Variants in UMAD1 observed in about 807,000 individuals in gnomAD.
UMAD1 encodes the protein UBAP1-MVB12-associated (UMA)-domain containing protein 1.
In UMAD1, 8 loss-of-function variants were observed where a neutral mutation model predicts 6.1. The ratio of observed to expected loss-of-function variants is 1.30; its 90% CI spans 0.76 to 2.35. The LOEUF (loss-of-function observed/expected upper bound fraction) is 2.35. Among genes scored for constraint, UMAD1 ranks in the 30% most tolerant of loss-of-function variants. The probability of loss-of-function intolerance (pLI) is 0.00; values close to 1 mark genes in which losing one functional copy is unlikely to be tolerated. For synonymous variants in UMAD1, 56 were observed against 31.4 expected (o/e 1.78, Z -2.61); for missense variants, 130 against 78.4 (o/e 1.66, Z -2.49).
chr7:7,868,624 G>T (rs919500846), intron 3 of UMAD1: 1 of 151,742 alleles, frequency 6.6e-6, no homozygotes, highest in African/African-American at 2.4e-5. Flanking sequence ...CCAAAATGAT[G>T]TCAGAGACTA....
chr7:7,658,284 T>G (rs1785392136), intron 1 of UMAD1, among the ~76,000 whole-genome samples: 1 of 152,262 alleles, frequency 6.6e-6, no homozygotes, highest in African/African-American at 2.4e-5. Context: ...CCTCTTTTCC[T>G]ATTCGAATAC....
At chr7:7,802,387 A>G (rs919325798) in intron 3 of UMAD1, among the ~76,000 whole-genome samples, 2 of 152,206 alleles carry the variant, frequency 1.3e-5, no homozygotes, top group Non-Finnish European at 2.9e-5. Context: ...AAAAAAAAAA[A>G]AAAAAATCCA....
chr7:7,749,362 A>G (rs1046605070), intron 2 of UMAD1, among the ~76,000 whole-genome samples: 6 of 152,198 alleles, frequency 3.9e-5, no homozygotes, highest in African/African-American at 1.4e-4. Context: ...GCACACTTTA[A>G]TAGCCCGTAT....
chr7:7,734,041 T>C (rs1481156904), intron 2 of UMAD1, among the ~76,000 whole-genome samples: 1 of 152,186 alleles, frequency 6.6e-6, no homozygotes, highest in Non-Finnish European at 1.5e-5. Context: ...ACAAGGTATG[T>C]ATAAGGTTAT....
At chr7:7,862,237 T>C (rs145295971) in intron 3 of UMAD1, among the ~76,000 whole-genome samples, 1 of 152,264 alleles carries the variant, frequency 6.6e-6, no homozygotes, top group Non-Finnish European at 1.5e-5. Context: ...AATATATTTA[T>C]ATTTTCTTAC....
intron 2 of UMAD1, among the ~76,000 whole-genome samples, chr7:7,731,873 T>C (rs926254586): frequency 6.6e-6 from 1 of 152,138 alleles, no homozygotes; most frequent in Non-Finnish European, 1.5e-5. Context: ...ACAGACTGGC[T>C]TTGAAGTTTA....
intron 3 of UMAD1, among the ~76,000 whole-genome samples, chr7:7,863,827 C>G (rs1346815166): frequency 6.6e-6 from 1 of 152,174 alleles, no homozygotes; most frequent in Non-Finnish European, 1.5e-5. Flanking sequence ...TAAGGCACCA[C>G]AACAGACTCT....
intron 2 of UMAD1, among the ~76,000 whole-genome samples, chr7:7,782,253 ATAAAAATCTTTCAG>A (rs1379086763): frequency 6.6e-6 from 1 of 151,932 alleles, no homozygotes; most frequent in Admixed American, 6.6e-5. Context: ...AAGGGAAAAA[ATAAAAATCTTTCAG>A]TTTTCCTCTC....
At chr7:7,860,818 G>T (rs1479780773) in intron 3 of UMAD1, among the ~76,000 whole-genome samples, 3 of 150,902 alleles carry the variant, frequency 2.0e-5, no homozygotes, top group African/African-American at 7.3e-5. Context: ...AATAATAATT[G>T]TCCTACATTA....
chr7:7,695,531 A>G (rs1277293111), intron 2 of UMAD1, among the ~76,000 whole-genome samples: 1 of 152,160 alleles, frequency 6.6e-6, no homozygotes, highest in Non-Finnish European at 1.5e-5. Flanking sequence ...GAACTTCCTA[A>G]ATGTTTAGTC....
At chr7:7,725,521 A>G (rs1583777470) in intron 2 of UMAD1, among the ~76,000 whole-genome samples, 1 of 152,130 alleles carries the variant, frequency 6.6e-6, no homozygotes, top group East Asian at 1.9e-4. Context: ...TCTCCTTTTG[A>G]GAGACAGCTC....
At chr7:7,696,824 C>A (rs1430722416) in intron 2 of UMAD1, among the ~76,000 whole-genome samples, 3 of 151,948 alleles carry the variant, frequency 2.0e-5, no homozygotes, top group African/African-American at 7.3e-5. Context: ...GATGTTCTCT[C>A]TTTTTCTTTC....
At chr7:7,703,878 G>T (rs971613019) in intron 2 of UMAD1, among the ~76,000 whole-genome samples, 1 of 152,086 alleles carries the variant, frequency 6.6e-6, no homozygotes, top group Admixed American at 6.6e-5. Context: ...GGAGGTTGAG[G>T]TTGCAGTGAG....
chr7:7,760,596 G>T (rs183817719), intron 2 of UMAD1, among the ~76,000 whole-genome samples: 103 of 152,110 alleles, frequency 6.8e-4, no homozygotes, highest in Admixed American at 2.2e-3. Context: ...ATATACTACT[G>T]AATGTAATTT....
intron 3 of UMAD1, among the ~76,000 whole-genome samples, chr7:7,850,236 A>AT (rs36078046): frequency 0.094 from 14,354 of 152,138 alleles, 829 homozygotes; most frequent in Middle Eastern, 0.16. Flanking sequence ...AAAGATAAGA[A>AT]TTTTTTACAA....
At chr7:7,727,879 CTCTT>C (rs1260719534) in intron 2 of UMAD1, among the ~76,000 whole-genome samples, 1 of 152,070 alleles carries the variant, frequency 6.6e-6, no homozygotes, top group Non-Finnish European at 1.5e-5. Flanking sequence ...TTAATAAACT[CTCTT>C]TATATATGAT....
intron 3 of UMAD1, among the ~76,000 whole-genome samples, chr7:7,855,583 G>C (rs1490618588): frequency 6.6e-6 from 1 of 152,190 alleles, no homozygotes; most frequent in Admixed American, 6.5e-5. Context: ...CACAGCAGGG[G>C]GGGCCCTAGA....
At chr7:7,775,315 A>G (rs890193704) in intron 2 of UMAD1, among the ~76,000 whole-genome samples, 2 of 152,166 alleles carry the variant, frequency 1.3e-5, no homozygotes, top group African/African-American at 4.8e-5. Flanking sequence ...CCATAATCAT[A>G]TGTGTCCTGG....
At chr7:7,802,555 A>G (rs1299213298) in intron 3 of UMAD1, among the ~76,000 whole-genome samples, 1 of 152,252 alleles carries the variant, frequency 6.6e-6, no homozygotes, top group Non-Finnish European at 1.5e-5. Context: ...TGAAAACTAT[A>G]TAGAAATATA....
Sources: allele counts gnomAD v4.1 joint callset (sites outside exome capture counted in the v4.1 genomes callset), GRCh38; gene constraint gnomAD v4.1.1; transcripts MANE v1.5; gene names NCBI Gene and HGNC (gene_info 2026-07-23, HGNC 2026-07-21).